The following SMYD3 variants were observed in gnomAD, a reference collection of about 807,000 sequenced individuals.
SMYD3 encodes SET and MYND domain containing 3, also known as histone-lysine N-methyltransferase SMYD3.
Under a neutral mutation model 57.7 loss-of-function variants are expected in SMYD3, and 36 were observed. The observed-to-expected ratio is 0.62, with a 90% CI of 0.48 to 0.82. The LOEUF is 0.82. SMYD3 is among the 40% of genes least tolerant of loss of function. The pLI, the probability that SMYD3 is intolerant of heterozygous loss-of-function variation, is 0.00. For synonymous variants in SMYD3, 211 were observed against 195.0 expected (o/e 1.08, Z -0.68); for missense variants, 515 against 538.8 (o/e 0.96, Z 0.44).
chr1:245,968,178 G>C (rs1045279378), intron 5 of SMYD3, among the ~76,000 whole-genome samples: 11 of 151,580 alleles, frequency 7.3e-5, no homozygotes, highest in Non-Finnish European at 1.0e-4. Context: ...AACAGCGTTA[G>C]ACCACAGATC....
intron 1 of SMYD3, among the ~76,000 whole-genome samples, chr1:246,494,824 T>C (rs972244758): frequency 6.6e-6 from 1 of 152,238 alleles, no homozygotes; most frequent in Non-Finnish European, 1.5e-5. Flanking sequence ...GTCCTACCTA[T>C]GACAATTATT....
intron 10 of SMYD3, among the ~76,000 whole-genome samples, chr1:245,810,666 G>C (rs149089073): frequency 1.1e-3 from 162 of 152,304 alleles, no homozygotes; most frequent in African/African-American, 3.7e-3. Context: ...GCGTGGAAAA[G>C]GGAAAGCCTC....
chr1:245,817,282 G>T (rs185081976), intron 10 of SMYD3, among the ~76,000 whole-genome samples: 2 of 143,396 alleles, frequency 1.4e-5, no homozygotes, highest in Non-Finnish European at 3.0e-5. Context: ...CCCCAGCAGG[G>T]GCACACTGAC....
intron 5 of SMYD3, among the ~76,000 whole-genome samples, chr1:246,222,256 T>A (rs2063267087): frequency 1.3e-5 from 2 of 152,148 alleles, no homozygotes; most frequent in Non-Finnish European, 1.5e-5. Context: ...TGGAAATTTG[T>A]ATAGGTATTG....
intron 10 of SMYD3, among the ~76,000 whole-genome samples, chr1:245,857,622 C>T (rs2362591): frequency 0.56 from 84,554 of 152,068 alleles, 26,697 homozygotes; most frequent in Non-Finnish European, 0.73. Flanking sequence ...CCTCTGCCAT[C>T]GCTCCTGGTC....
intron 5 of SMYD3, among the ~76,000 whole-genome samples, chr1:246,069,969 T>TC (rs1390959324): frequency 1.3e-5 from 2 of 152,124 alleles, no homozygotes; most frequent in Non-Finnish European, 2.9e-5. Flanking sequence ...CCCTTCCCTC[T>TC]CCCCGTCAAT....
chr1:245,786,218 G>A (rs1000710594), intron 10 of SMYD3, among the ~76,000 whole-genome samples: 1 of 147,670 alleles, frequency 6.8e-6, no homozygotes, highest in Non-Finnish European at 1.5e-5. Flanking sequence ...GTGGACGGGG[G>A]GGGGATGGTG....
At chr1:246,464,479 T>C (rs886199034) in intron 1 of SMYD3, among the ~76,000 whole-genome samples, 5 of 152,192 alleles carry the variant, frequency 3.3e-5, no homozygotes, top group African/African-American at 7.2e-5. Context: ...ACTGCTCCAC[T>C]GCACTCCAGC....
intron 11 of SMYD3, among the ~76,000 whole-genome samples, chr1:245,752,868 C>G (rs1010479733): frequency 6.6e-6 from 1 of 152,186 alleles, no homozygotes; most frequent in Non-Finnish European, 1.5e-5. Flanking sequence ...CTGAGGTCAC[C>G]TGGCTTGAGA....
chr1:245,869,467 A>C (rs2052055875), intron 8 of SMYD3, among the ~76,000 whole-genome samples: 1 of 152,206 alleles, frequency 6.6e-6, no homozygotes, highest in African/African-American at 2.4e-5. Flanking sequence ...TAGTGATTTC[A>C]GCAGTGCAGA....
intron 2 of SMYD3, among the ~76,000 whole-genome samples, chr1:246,335,947 C>T (rs191868175): frequency 4.0e-4 from 61 of 152,254 alleles, no homozygotes; most frequent in Non-Finnish European, 8.2e-4. Flanking sequence ...GGCTAACACA[C>T]CCCCAAATAT....
intron 5 of SMYD3, among the ~76,000 whole-genome samples, chr1:246,276,281 C>T (rs1433392370): frequency 2.5e-5 from 3 of 121,152 alleles, no homozygotes; most frequent in African/African-American, 8.9e-5. Flanking sequence ...TTTCACTAGC[C>T]GTATTAACAC....
At chr1:246,287,376 A>G (rs1415189513) in intron 5 of SMYD3, among the ~76,000 whole-genome samples, 1 of 152,150 alleles carries the variant, frequency 6.6e-6, no homozygotes, top group African/African-American at 2.4e-5. Context: ...TGTAGTAAAA[A>G]CCCATGAATG....
intron 1 of SMYD3, among the ~76,000 whole-genome samples, chr1:246,384,723 A>T (rs901499463): frequency 3.3e-5 from 5 of 152,158 alleles, no homozygotes; most frequent in African/African-American, 1.2e-4. Flanking sequence ...ATGTGTGTAT[A>T]TATATCAATA....
chr1:245,991,592 G>A lies in SMYD3; in HGVS notation c.532-61655C>T, dbSNP rs150063466. Reference sequence around the variant, plus strand: ...TAAGCTCACTCCTGTGGTTGCTGGGGAACCTCAGTCACTCCCCGGCTGTTT... The same window carrying A: ...TAAGCTCACTCCTGTGGTTGCTGGGAAACCTCAGTCACTCCCCGGCTGTTT... On this transcript the variant is annotated intron_variant, in intron 5 of 11. Transcript: ENST00000490107. 3.4e-3 allele frequency among the ~76,000 whole-genome samples: 522 copies of A among 152,330 alleles called. 7 individuals carry two copies. Among genetic ancestry groups the A allele is most frequent in the African/African-American group, 0.012 (481 of 41,568 alleles).
intron 11 of SMYD3, among the ~76,000 whole-genome samples, chr1:245,757,024 C>T (rs1167968182): frequency 6.6e-6 from 1 of 152,036 alleles, no homozygotes; most frequent in Non-Finnish European, 1.5e-5. Flanking sequence ...ATTTTTAACT[C>T]TTGAGTAGCA....
chr1:246,126,496 G>C (rs1025395277), intron 5 of SMYD3, among the ~76,000 whole-genome samples: 1 of 152,202 alleles, frequency 6.6e-6, no homozygotes, highest in African/African-American at 2.4e-5. Context: ...AATGTAAATT[G>C]AAGAGGAATT....
At chr1:246,144,137 G>A (rs771683124) in intron 5 of SMYD3, among the ~76,000 whole-genome samples, 7 of 152,188 alleles carry the variant, frequency 4.6e-5, no homozygotes, top group Non-Finnish European at 8.8e-5. Context: ...GAGCTGACAA[G>A]AGCTGACGGA....
chr1:246,205,409 G>A (rs73147207), intron 5 of SMYD3, among the ~76,000 whole-genome samples: 4 of 152,078 alleles, frequency 2.6e-5, no homozygotes, highest in South Asian at 2.1e-4. Flanking sequence ...ACAGTCATGC[G>A]CAGTCTAGCC....
Sources: gnomAD v4.1 joint callset for allele counts (sites outside exome capture counted in the v4.1 genomes callset) on GRCh38, gnomAD v4.1.1 for gene constraint, MANE v1.5 for transcripts, NCBI Gene and HGNC (gene_info 2026-07-23, HGNC 2026-07-21) for gene names.